Variants in STK3 observed in about 807,000 individuals in gnomAD.
STK3 encodes the protein serine/threonine kinase 3.
Under a neutral mutation model 58.0 loss-of-function variants are expected in STK3, and 41 were observed. That is an observed-to-expected ratio of 0.71 (90% CI 0.55 to 0.92). The LOEUF (loss-of-function observed/expected upper bound fraction) is 0.92. STK3 is among the 40% of genes least tolerant of loss of function. STK3 has a pLI of 0.00. For synonymous variants in STK3, 170 were observed against 191.0 expected (o/e 0.89, Z 0.91); for missense variants, 479 against 602.7 (o/e 0.79, Z 2.15).
chr8:98,597,071 T>C (rs1324220888), intron 6 of STK3, among the ~76,000 whole-genome samples: 1 of 152,106 alleles, frequency 6.6e-6, no homozygotes, highest in Non-Finnish European at 1.5e-5. Flanking sequence ...GCTAATAATA[T>C]TGTTTTGGAG....
At chr8:98,739,111 A>G (rs906412149) in intron 4 of STK3, among the ~76,000 whole-genome samples, 1 of 152,352 alleles carries the variant, frequency 6.6e-6, no homozygotes, top group African/African-American at 2.4e-5. Context: ...GGTGGAGCCC[A>G]CCACAGCTCA....
In STK3 at chr8:98,455,966, C is replaced by A. The variant is rs770553429; in HGVS notation, c.1352G>T (p.Arg451Leu). 3 of 1,612,124 alleles carry A rather than the reference C, an allele frequency of 1.9e-6. No individual in the cohort carries two copies. The highest frequency in any genetic ancestry group is 2.2e-5 in the South Asian group (2 of 90,590). ...CATCATGGGGTCCAGTGCTTTTAACCGCATCTGTAGTTCTTCTAAACTTAG... is the reference window on the plus strand; with the variant it reads ...CATCATGGGGTCCAGTGCTTTTAACAGCATCTGTAGTTCTTCTAAACTTAG... ...KNLSLEELQM[R>L]LKALDPMMER... Residue 451 changes from arginine (R) to leucine (L), a missense_variant, in exon 11 of 11, where the codon CGG becomes CTG. Coordinates refer to ENST00000419617, the MANE Select transcript of STK3 (RefSeq NM_006281.4).
intron 7 of STK3, among the ~76,000 whole-genome samples, 169 bp from the exon 8 acceptor site, chr8:98,579,958 G>A (rs1586913474): frequency 1.3e-5 from 2 of 151,946 alleles, no homozygotes; most frequent in Middle Eastern, 3.4e-3. Context: ...CCACTGCCTA[G>A]AAATAAAGAA....
chr8:98,629,675 T>C (rs1286959540), intron 6 of STK3, among the ~76,000 whole-genome samples: 1 of 152,212 alleles, frequency 6.6e-6, no homozygotes, highest in Admixed American at 6.5e-5. Flanking sequence ...AGGATGGTAG[T>C]ATTAAAAAGA....
chr8:98,789,733 C>G (rs1185869477), intron 1 of STK3, among the ~76,000 whole-genome samples: 3 of 152,244 alleles, frequency 2.0e-5, no homozygotes, highest in Admixed American at 1.3e-4. Context: ...AACAGATCGA[C>G]AGCAAGCAGC....
intron 8 of STK3, among the ~76,000 whole-genome samples, chr8:98,576,941 G>A (rs375301048): frequency 1.3e-5 from 2 of 152,160 alleles, no homozygotes; most frequent in South Asian, 4.1e-4. Flanking sequence ...TGGCACCAGT[G>A]AGCTACACCG....
At chr8:98,617,048 C>T (rs1427791423) in intron 6 of STK3, among the ~76,000 whole-genome samples, 2 of 151,434 alleles carry the variant, frequency 1.3e-5, no homozygotes, top group Non-Finnish European at 3.0e-5. Flanking sequence ...CCAAAATTGA[C>T]CACATAGTTG....
At chr8:98,808,543 T>C (rs184967004) in intron 1 of STK3, among the ~76,000 whole-genome samples, 4 of 152,326 alleles carry the variant, frequency 2.6e-5, no homozygotes, top group Admixed American at 1.3e-4. Flanking sequence ...AAAGGCTTTT[T>C]TTTATTATTG....
chr8:98,684,469 C>T (rs764920572), intron 6 of STK3, among the ~76,000 whole-genome samples: 30 of 152,154 alleles, frequency 2.0e-4, no homozygotes, highest in Non-Finnish European at 4.0e-4. Flanking sequence ...AAATATTAAA[C>T]GGGCATCCTC....
Position 98,792,184 on chromosome 8 carries a change from T to C in STK3, c.27-17365A>G, listed in dbSNP as rs377711276. Among the ~76,000 whole-genome samples, 6 of 152,220 alleles carry C rather than the reference T, an allele frequency of 3.9e-5. No homozygotes were observed. In the East Asian group the frequency reaches 1.2e-3, roughly 29 times the overall value. ...CAATTCTCAAAAGAAGATATACGAATGGCCAACAAACATAGGAAAAAATGC... is the reference window on the plus strand; with the variant it reads ...CAATTCTCAAAAGAAGATATACGAACGGCCAACAAACATAGGAAAAAATGC... On this transcript the variant is annotated intron_variant, in intron 1 of 10. Transcript: ENST00000419617.
intron 6 of STK3, among the ~76,000 whole-genome samples, chr8:98,627,912 A>AC (rs1818859156): frequency 6.6e-6 from 1 of 152,208 alleles, no homozygotes; most frequent in African/African-American, 2.4e-5. Flanking sequence ...GTGGGTATCT[A>AC]ATTGTGCCAG....
chr8:98,830,785 A>G (rs922771796), intron 3 of STK3, among the ~76,000 whole-genome samples: 2 of 152,052 alleles, frequency 1.3e-5, no homozygotes, highest in African/African-American at 2.4e-5. Context: ...CCTGGCTAAC[A>G]AGGTGAAACC....
intron 6 of STK3, among the ~76,000 whole-genome samples, chr8:98,631,997 C>T (rs77443352): frequency 0.039 from 5,940 of 152,304 alleles, 157 homozygotes; most frequent in Non-Finnish European, 0.055. Flanking sequence ...TTCCCCACTA[C>T]AAATAGGTAC....
At chr8:98,469,582 C>T (rs755813140) in intron 10 of STK3, among the ~76,000 whole-genome samples, 1 of 152,182 alleles carries the variant, frequency 6.6e-6, no homozygotes, top group Non-Finnish European at 1.5e-5. Flanking sequence ...TCTTACTTTA[C>T]ATCTACTGGG....
At chr8:98,822,638 T>C (rs997321881) in intron 1 of STK3, among the ~76,000 whole-genome samples, 1 of 151,610 alleles carries the variant, frequency 6.6e-6, no homozygotes, top group African/African-American at 2.4e-5. Flanking sequence ...GAATAAAACA[T>C]AGATTATTCT....
chr8:98,359,012 T>C, the STK3 span, among the ~76,000 whole-genome samples: 2 of 152,152 alleles, frequency 1.3e-5, no homozygotes, highest in African/African-American at 4.8e-5. Context: ...AGAGTGACTT[T>C]TCCGAAGAAA....
At chr8:98,586,369 C>A (rs1272284776) in intron 7 of STK3, among the ~76,000 whole-genome samples, 1 of 151,820 alleles carries the variant, frequency 6.6e-6, no homozygotes, top group Non-Finnish European at 1.5e-5. Flanking sequence ...TGGTTTTTGT[C>A]TTTGGCTCTG....
chr8:98,941,657 C>T (rs1411549462), intron 1 of STK3, among the ~76,000 whole-genome samples: 2 of 152,230 alleles, frequency 1.3e-5, no homozygotes, highest in African/African-American at 4.8e-5. Flanking sequence ...GGCAGAGCCT[C>T]CTGGGTGGGC....
intron 9 of STK3, among the ~76,000 whole-genome samples, chr8:98,536,190 T>A (rs1433187349): frequency 2.6e-5 from 4 of 152,098 alleles, no homozygotes; most frequent in Non-Finnish European, 5.9e-5. Context: ...AAAATTTGCC[T>A]CCCTAATATC....
Sources: gnomAD v4.1 joint callset for allele counts (sites outside exome capture counted in the v4.1 genomes callset) on GRCh38, gnomAD v4.1.1 for gene constraint, MANE v1.5 for transcripts, NCBI Gene and HGNC (gene_info 2026-07-23, HGNC 2026-07-21) for gene names.